SMG6: variants seen among roughly 807,000 people sequenced by gnomAD.
The protein encoded by SMG6 is SMG6 nonsense mediated mRNA decay factor, also known as telomerase-binding protein EST1A.
Under a neutral mutation model 142.2 loss-of-function variants are expected in SMG6, and 66 were observed. The observed-to-expected ratio is 0.46, with a 90% CI of 0.38 to 0.57. The LOEUF (loss-of-function observed/expected upper bound fraction) is 0.57. Ranked by LOEUF, SMG6 falls within the 20% of genes least tolerant of loss-of-function variation. SMG6 has a pLI of 0.00. For missense variants in SMG6, 1,793 were observed against 1,832.0 expected, an observed-to-expected ratio of 0.98 and a Z score of 0.39; for synonymous variants, 779 against 702.4, an observed-to-expected ratio of 1.11 and a Z score of -1.72.
intron 10 of SMG6, among the ~76,000 whole-genome samples, chr17:2,231,463 C>T (rs1045927427): frequency 3.9e-5 from 6 of 152,088 alleles, no homozygotes; most frequent in African/African-American, 1.2e-4. Flanking sequence ...TTTGGGAGGC[C>T]GAGGCGGACG....
At chr17:2,263,837 T>C (rs1036812944) in intron 8 of SMG6, among the ~76,000 whole-genome samples, 4 of 152,226 alleles carry the variant, frequency 2.6e-5, no homozygotes, top group African/African-American at 4.8e-5. Flanking sequence ...CTATCTTAGC[T>C]CAAATACATC....
chr17:2,263,153 T>C (rs900865358), intron 8 of SMG6, among the ~76,000 whole-genome samples: 2 of 152,136 alleles, frequency 1.3e-5, no homozygotes, highest in African/African-American at 4.8e-5. Flanking sequence ...CTGGAACAAT[T>C]AAAATAGAGA....
rs572184471 is a variant in SMG6 at position 2,256,799 on chromosome 17, G to A, written c.2662-12080C>T. Reference sequence around the variant, plus strand: ...TTAAAAAAAATAGATAGACAGATTTGATACGGATTAAATAGGTTATCCAGG... The same window carrying A: ...TTAAAAAAAATAGATAGACAGATTTAATACGGATTAAATAGGTTATCCAGG... On this transcript the variant is annotated intron_variant, in intron 8 of 18. Coordinates refer to ENST00000263073, the MANE Select transcript of SMG6 (RefSeq NM_017575.5). 7.9e-5 allele frequency among the ~76,000 whole-genome samples: 12 copies of A among 151,630 alleles called. No homozygotes were observed. In the East Asian group the frequency reaches 2.3e-3, roughly 30 times the overall value.
At chr17:2,267,759 T>C (rs2074454305) in intron 8 of SMG6, among the ~76,000 whole-genome samples, 2 of 150,616 alleles carry the variant, frequency 1.3e-5, no homozygotes, top group Non-Finnish European at 3.0e-5. Context: ...TTATTTTTTT[T>C]TTTTTTGAGA....
intron 13 of SMG6, among the ~76,000 whole-genome samples, chr17:2,090,932 C>T (rs140722300): frequency 2.4e-3 from 372 of 152,302 alleles, no homozygotes; most frequent in African/African-American, 8.5e-3. Context: ...TTAAAATAGC[C>T]TACAAATCCA....
chr17:2,157,181 A>G (rs1346826450), intron 13 of SMG6, among the ~76,000 whole-genome samples: 1 of 152,190 alleles, frequency 6.6e-6, no homozygotes, highest in African/African-American at 2.4e-5. Context: ...GCCACCCATG[A>G]CACAAAAACT....
intron 13 of SMG6, among the ~76,000 whole-genome samples, chr17:2,091,564 T>G (rs565641232): frequency 6.6e-5 from 10 of 151,818 alleles, no homozygotes; most frequent in African/African-American, 2.2e-4. Context: ...CGGAGCATAC[T>G]GTCCAAGGGA....
At chr17:2,272,001 A>G (rs2074551407) in intron 8 of SMG6, among the ~76,000 whole-genome samples, 1 of 152,220 alleles carries the variant, frequency 6.6e-6, no homozygotes, top group Non-Finnish European at 1.5e-5. Context: ...TGCAGACATG[A>G]CAAGTAAACA....
intron 13 of SMG6, among the ~76,000 whole-genome samples, chr17:2,114,906 AAAAATAAAATAAAAT>A (rs71375589): frequency 1.9e-4 from 12 of 61,988 alleles, no homozygotes; most frequent in Admixed American, 4.5e-4. Flanking sequence ...CAGCCTGGGC[AAAAATAAAATAAAAT>A]AAAATAAAAT....
intron 1 of SMG6, among the ~76,000 whole-genome samples, chr17:2,302,184 G>A (rs1270933812): frequency 7.2e-5 from 11 of 151,970 alleles, no homozygotes; most frequent in Admixed American, 7.2e-4. Context: ...GCACAGGAGG[G>A]GGAGGCTACA....
intron 13 of SMG6, among the ~76,000 whole-genome samples, chr17:2,130,904 T>C (rs1298239631): frequency 6.6e-6 from 1 of 152,094 alleles, no homozygotes; most frequent in Non-Finnish European, 1.5e-5. Context: ...CTCAGGAGGC[T>C]GAGGCAGAGA....
chr17:2,138,083 C>A (rs1480090592), intron 13 of SMG6, among the ~76,000 whole-genome samples: 1 of 151,842 alleles, frequency 6.6e-6, no homozygotes, highest in African/African-American at 2.4e-5. Flanking sequence ...GAACTGTGTC[C>A]ACACCTGGAA....
chr17:2,191,829 G>A (rs890644055), intron 10 of SMG6, among the ~76,000 whole-genome samples: 7 of 152,154 alleles, frequency 4.6e-5, no homozygotes, highest in African/African-American at 9.7e-5. Context: ...ACCAACTGTC[G>A]TCAAAGTTGC....
intron 13 of SMG6, among the ~76,000 whole-genome samples, chr17:2,114,959 T>TAAA (rs1491429098): frequency 0.014 from 991 of 72,716 alleles, 23 homozygotes; most frequent in African/African-American, 0.024. Context: ...AATAAAAAAA[T>TAAA]GAAATGAAAT....
At position 2,299,552 on chromosome 17, in the gene SMG6, G is replaced by A; in HGVS notation, c.1201C>T (p.Leu401Phe). The A allele has an allele frequency of 3.1e-6, 5 of 1,614,150 alleles. No individual in the cohort carries two copies. The highest frequency in any genetic ancestry group is 1.6e-4 in the Middle Eastern group (1 of 6,062). Reference protein sequence around the residue: ...KQESKNPKQELRGRGRGILIL... With the variant: ...KQESKNPKQEFRGRGRGILIL... Reference sequence around the variant, plus strand: ...AGAATGCCACGACCACGACCCCGAAGTTCTTGTTTCGGGTTTTTGGACTCC... The same window carrying A: ...AGAATGCCACGACCACGACCCCGAAATTCTTGTTTCGGGTTTTTGGACTCC... The change falls in exon 2 of 19, where the codon CTT becomes TTT. Residue 401 changes from leucine to phenylalanine, a missense_variant. By Grantham distance (22) the Leu-to-Phe change is conservative. Transcript: ENST00000263073. The surrounding 1 kb of genome is among the most constrained non-coding windows in gnomAD (Gnocchi z 4.3).
At chr17:2,286,591 T>A (rs894075332) in intron 6 of SMG6, among the ~76,000 whole-genome samples, 1 of 152,124 alleles carries the variant, frequency 6.6e-6, no homozygotes, top group Non-Finnish European at 1.5e-5. Context: ...ATACTATATA[T>A]AAAAATTCAC....
chr17:2,137,368 G>C (rs1446098517), intron 13 of SMG6, among the ~76,000 whole-genome samples: 2 of 152,098 alleles, frequency 1.3e-5, no homozygotes, highest in Non-Finnish European at 2.9e-5. Context: ...CCCTAACCTT[G>C]ATGACCCCCA....
chr17:2,127,644 C>T (rs1340889403), intron 13 of SMG6: 30 of 569,166 alleles, frequency 5.3e-5, no homozygotes, highest in African/African-American at 4.3e-4. Context: ...TTTCATTCAA[C>T]GAATACAATT....
chr17:2,157,643 G>C (rs2071047748), intron 13 of SMG6, among the ~76,000 whole-genome samples: 1 of 152,174 alleles, frequency 6.6e-6, no homozygotes, highest in African/African-American at 2.4e-5. Flanking sequence ...GTCTAGCTTT[G>C]GATCTTACTG....
Sources: gnomAD v4.1 joint callset for allele counts (sites outside exome capture counted in the v4.1 genomes callset) on GRCh38, gnomAD v4.1.1 for gene constraint, Gnocchi (gnomAD v3.1) non-coding constraint, MANE v1.5 for transcripts, NCBI Gene and HGNC (gene_info 2026-07-23, HGNC 2026-07-21) for gene names.